OR2M2: variants seen among roughly 807,000 people sequenced by gnomAD.
OR2M2 encodes the protein olfactory receptor family 2 subfamily M member 2.
For synonymous variants in OR2M2, 168 were observed against 151.7 expected, an observed-to-expected ratio of 1.11 and a Z score of -0.79; for missense variants, 467 against 429.9, an observed-to-expected ratio of 1.09 and a Z score of -0.76.
Position 248,180,486 on chromosome 1 carries a change from C to T in OR2M2, c.501C>T (p.Ser167=), listed in dbSNP as rs1167485910. The T allele has an allele frequency of 6.2e-7, 1 of 1,613,928 alleles. No homozygotes were observed. Among genetic ancestry groups the T allele is most frequent in the East Asian group, 2.2e-5 (1 of 44,894 alleles). ...ATGCTGTAGCCACATTTTCCTTCTC[C>T]TTTTGTGGGTCTCGGGAAATAGCCC... The part of the protein sequence containing the change: ...IIDAVATFSF[S]FCGSREIAHF... Residue 167 remains serine, a synonymous_variant, in exon 2 of 2, where the codon TCC becomes TCT. Coordinates refer to ENST00000641836, the MANE Select transcript of OR2M2 (RefSeq NM_001004688.2).
intron 1 of OR2M2, among the ~76,000 whole-genome samples, chr1:248,176,979 C>T (rs1366166043): frequency 2.0e-5 from 3 of 151,982 alleles, no homozygotes; most frequent in African/African-American, 7.2e-5. Context: ...GGTACAGGTG[C>T]TCAATATTTT....
intron 1 of OR2M2, among the ~76,000 whole-genome samples, 182 bp from the exon 2 acceptor site, chr1:248,179,786 T>C (rs769407490): frequency 6.6e-6 from 1 of 152,212 alleles, no homozygotes; most frequent in Non-Finnish European, 1.5e-5. Flanking sequence ...TCCATAATTT[T>C]ATAAGTGATG....
chr1:248,178,821 C>A (rs990251810), intron 1 of OR2M2, among the ~76,000 whole-genome samples: 1 of 152,168 alleles, frequency 6.6e-6, no homozygotes, highest in Non-Finnish European at 1.5e-5. Context: ...ACTGTGGTAG[C>A]CACAGTGGTC....
At chr1:248,179,649 T>C (rs1187687916) in intron 1 of OR2M2, among the ~76,000 whole-genome samples, 1 of 152,204 alleles carries the variant, frequency 6.6e-6, no homozygotes, top group Non-Finnish European at 1.5e-5. Flanking sequence ...ACTTCTCGTG[T>C]TTTAGGAACT....
chr1:248,179,968 G>A lies in OR2M2; in HGVS notation c.-18G>A, dbSNP rs1665905465. 3 of 1,597,488 alleles carry A rather than the reference G, an allele frequency of 1.9e-6. No homozygotes were observed. The highest frequency in any genetic ancestry group is 2.3e-5 in the South Asian group (2 of 87,732). On this transcript the variant is annotated splice_region_variant and 5_prime_UTR_variant, in exon 2 of 2. Transcript: ENST00000641836. ...TAATAAGATGGTTTTGTGGTACTAG[G>A]TAAAAAGCACATTCATCATGGCATG...
chr1:248,177,126 G>A (rs1665864569), intron 1 of OR2M2, among the ~76,000 whole-genome samples: 1 of 152,018 alleles, frequency 6.6e-6, no homozygotes, highest in African/African-American at 2.4e-5. Context: ...GGCAATGAAA[G>A]GAGGTGACAA....
In OR2M2 at chr1:248,180,862, C is replaced by T. The variant is rs139377253; in HGVS notation, c.877C>T (p.Arg293Cys). The change falls in exon 2 of 2, where the codon CGC becomes TGC. Residue 293 changes from arginine to cysteine, a missense_variant. Transcript: ENST00000641836. Reference protein sequence around the residue: ...PMLNPLIYSLRNKEVTRAFMK... With the variant: ...PMLNPLIYSLCNKEVTRAFMK... ...GCTGAATCCCCTCATCTACAGCCTC[C>T]GCAACAAGGAGGTGACTAGAGCATT... The T allele has an allele frequency of 2.0e-3, 3,163 of 1,613,990 alleles. 14 individuals are homozygous for T. The highest frequency in any genetic ancestry group is 3.5e-3 in the African/African-American group (265 of 74,988).
intron 1 of OR2M2, 80 bp from the exon 2 acceptor site, chr1:248,179,888 C>G: frequency 7.3e-7 from 1 of 1,364,244 alleles, no homozygotes; most frequent in East Asian, 2.3e-5. Context: ...CACCCAACTA[C>G]AGAATTTACC....
In OR2M2 at chr1:248,180,472, A is replaced by T. The variant is rs770039444; in HGVS notation, c.487A>T (p.Thr163Ser). ...AGATGGAATCATTGATGCTGTAGCCACATTTTCCTTCTCCTTTTGTGGGTC... is the reference window on the plus strand; with the variant it reads ...AGATGGAATCATTGATGCTGTAGCCTCATTTTCCTTCTCCTTTTGTGGGTC... ...STDGIIDAVA[T>S]FSFSFCGSRE... Residue 163 changes from threonine to serine, a missense_variant, in exon 2 of 2, where the codon ACA becomes TCA. Physicochemically the swap from Thr to Ser is moderately conservative, Grantham distance 58 (BLOSUM62 1). Transcript: ENST00000641836. 6.2e-7 allele frequency: 1 copy of T among 1,613,768 alleles called. No individual in the cohort carries two copies. Among genetic ancestry groups the T allele is most frequent in the African/African-American group, 1.3e-5 (1 of 74,830 alleles).
chr1:248,176,871 T>C (rs2103005976), intron 1 of OR2M2, among the ~76,000 whole-genome samples: 1 of 152,210 alleles, frequency 6.6e-6, no homozygotes, highest in South Asian at 2.1e-4. Context: ...ATCTGTCACA[T>C]GTATCTTAGA....
At chr1:248,179,064 A>T (rs999722955) in intron 1 of OR2M2, among the ~76,000 whole-genome samples, 2 of 152,134 alleles carry the variant, frequency 1.3e-5, no homozygotes, top group Non-Finnish European at 2.9e-5. Flanking sequence ...GTTATTTCTG[A>T]GGGCTCTAAG....
intron 1 of OR2M2, among the ~76,000 whole-genome samples, chr1:248,177,714 G>C (rs527433558): frequency 9.2e-5 from 14 of 152,122 alleles, no homozygotes; most frequent in Admixed American, 2.6e-4. Context: ...ACATAACAAG[G>C]GAAACTTAGG....
In OR2M2 at chr1:248,180,796, G is replaced by C; in HGVS notation, c.811G>C (p.Asp271His). 1 of 1,613,852 alleles carries C rather than the reference G, an allele frequency of 6.2e-7. No individual in the cohort carries two copies. The highest frequency in any genetic ancestry group is 8.5e-7 in the Non-Finnish European group (1 of 1,179,900). ...RPTSDHSPTQ[D>H]KMVSVFYTIL... ...CACATCTGATCACTCCCCAACGCAG[G>C]ACAAGATGGTGTCTGTATTCTACAC... Residue 271 changes from aspartate (D) to histidine (H), a missense_variant, in exon 2 of 2, where the codon GAC becomes CAC. Physicochemically the swap from Asp to His is moderately conservative, Grantham distance 81. Coordinates refer to ENST00000641836, the MANE Select transcript of OR2M2 (RefSeq NM_001004688.2).
chr1:248,179,038 G>A (rs1196392248), intron 1 of OR2M2, among the ~76,000 whole-genome samples: 1 of 152,190 alleles, frequency 6.6e-6, no homozygotes, highest in African/African-American at 2.4e-5. Flanking sequence ...CTGAAATCAA[G>A]ATGTCAGCAG....
intron 1 of OR2M2, among the ~76,000 whole-genome samples, chr1:248,175,453 T>C (rs1232006129): frequency 6.6e-6 from 1 of 152,098 alleles, no homozygotes; most frequent in Non-Finnish European, 1.5e-5. Context: ...ATACAATGAA[T>C]ATAAATGAAT....
intron 1 of OR2M2, among the ~76,000 whole-genome samples, chr1:248,176,494 T>G (rs1665858000): frequency 6.6e-6 from 1 of 152,082 alleles, no homozygotes; most frequent in Non-Finnish European, 1.5e-5. Flanking sequence ...TGTCAGGCAA[T>G]GTCTAATCCA....
intron 1 of OR2M2, among the ~76,000 whole-genome samples, chr1:248,178,764 C>T (rs1013216386): frequency 3.9e-5 from 6 of 152,164 alleles, no homozygotes; most frequent in South Asian, 2.1e-4. Flanking sequence ...ATCATCTGAT[C>T]GCACTCACTA....
Position 248,180,180 on chromosome 1 carries a change from A to G in OR2M2, c.195A>G (p.Gln65=), listed in dbSNP as rs764201656. 3.7e-6 allele frequency: 6 copies of G among 1,614,004 alleles called. No individual in the cohort carries two copies. In the East Asian group the frequency reaches 1.1e-4, roughly 30 times the overall value. The part of the protein sequence containing the change: ...LHTPMYFLLS[Q]LSLMDLMLIC... ...CCCCCATGTACTTCCTCCTCAGCCA[A>G]CTGTCCCTCATGGACCTCATGCTCA... The change falls in exon 2 of 2, where the codon CAA becomes CAG. Residue 65 remains glutamine (Q), a synonymous_variant. Transcript: ENST00000641836.
In OR2M2 at chr1:248,178,750, A is replaced by T. The variant is rs558578413; in HGVS notation, c.-18-1218A>T. Reference sequence around the variant, plus strand: ...CCTTTTATGATATAAAGTGGTTTATAGTCATCATCTGATCGCACTCACTAT... The same window carrying T: ...CCTTTTATGATATAAAGTGGTTTATTGTCATCATCTGATCGCACTCACTAT... On this transcript the variant is annotated intron_variant, in intron 1 of 1. Coordinates refer to ENST00000641836, the MANE Select transcript of OR2M2 (RefSeq NM_001004688.2). Among the ~76,000 whole-genome samples the T allele has an allele frequency of 2.6e-5, 4 of 152,340 alleles. No individual in the cohort carries two copies. The South Asian group carries it at 8.3e-4, about 32-fold the overall frequency.
Sources: allele counts gnomAD v4.1 joint callset (sites outside exome capture counted in the v4.1 genomes callset), GRCh38; gene constraint gnomAD v4.1.1; transcripts MANE v1.5; gene names NCBI Gene and HGNC (gene_info 2026-07-23, HGNC 2026-07-21).